Variants in DSCAML1 observed in about 807,000 individuals in gnomAD.
DSCAML1 encodes the protein cell adhesion molecule DSCAML1.
A neutral mutation model predicts 200.5 loss-of-function variants in DSCAML1; 38 were observed. The ratio of observed to expected loss-of-function variants is 0.19; its 90% CI spans 0.15 to 0.25. The LOEUF is 0.25. DSCAML1 is among the 10% of genes least tolerant of loss of function. DSCAML1 has a pLI of 1.00. For missense variants in DSCAML1, 2,223 were observed against 2,858.8 expected (o/e 0.78, Z 5.07); for synonymous variants, 1,215 against 1,165.0 (o/e 1.04, Z -0.87).
intron 3 of DSCAML1, among the ~76,000 whole-genome samples, chr11:117,734,500 C>T (rs1352529217): frequency 1.3e-5 from 2 of 152,230 alleles, no homozygotes; most frequent in Admixed American, 6.5e-5. Context: ...CCACCTCGGG[C>T]TCTCCCCCAG....
intron 1 of DSCAML1, among the ~76,000 whole-genome samples, chr11:117,782,305 C>T (rs150123725): frequency 2.8e-4 from 42 of 152,314 alleles, no homozygotes; most frequent in Non-Finnish European, 4.3e-4. Flanking sequence ...TCATAAAAGC[C>T]GTGATGGAGC....
intron 3 of DSCAML1, among the ~76,000 whole-genome samples, chr11:117,578,563 G>A (rs1291682083): frequency 1.3e-5 from 2 of 152,112 alleles, no homozygotes; most frequent in Non-Finnish European, 2.9e-5. Context: ...CTAGCTACTC[G>A]GGAGGCTGAG....
chr11:117,765,533 T>C (rs1003119122), intron 3 of DSCAML1, among the ~76,000 whole-genome samples: 5 of 152,108 alleles, frequency 3.3e-5, no homozygotes, highest in African/African-American at 1.2e-4. Flanking sequence ...CACACCTATG[T>C]TCTCATTCCT....
At position 117,518,656 on chromosome 11, in the gene DSCAML1, G is replaced by T; in HGVS notation, c.1320C>A (p.Thr440=). The T allele has an allele frequency of 2.5e-6, 4 of 1,613,448 alleles. No homozygotes were observed. The highest frequency in any genetic ancestry group is 3.4e-6 in the Non-Finnish European group (4 of 1,179,940). Residue 440 remains threonine, a synonymous_variant, in exon 7 of 33, where the codon ACC becomes ACA. Coordinates refer to ENST00000651296, the MANE Select transcript of DSCAML1 (RefSeq NM_020693.4). This position sits in a 1 kb window ranked among gnomAD's most constrained non-coding sequence, Gnocchi z 6.3. The stretch of plus-strand genomic sequence containing the variant: ...CGATGGGCTCATCGTCGAGGGCCCA[G>T]GTGACCGTGGGGGGCGGGGCGCCCT... ...AAKGAPPPTV[T]WALDDEPIVR... is the part of the protein sequence containing the mutation.
At chr11:117,788,136 G>T (rs1038027193) in intron 1 of DSCAML1, among the ~76,000 whole-genome samples, 1 of 152,182 alleles carries the variant, frequency 6.6e-6, no homozygotes, top group South Asian at 2.1e-4. Context: ...GACAGCATCA[G>T]AGCATGTACC....
At position 117,432,279 on chromosome 11, in the gene DSCAML1, C is replaced by A. The variant is rs1440962779; in HGVS notation, c.5179+73G>T. ...TCCCTCCTCCCTTTAAAAAAAAACA[C>A]CACCTCTGTGTCATGCTATGCCCAA... On this transcript the variant is annotated intron_variant, in intron 30 of 32. Coordinates refer to ENST00000651296, the MANE Select transcript of DSCAML1 (RefSeq NM_020693.4). The A allele has an allele frequency of 1.2e-5, 18 of 1,449,372 alleles. No individual in the cohort carries two copies. The Admixed American group carries it at 4.1e-4, about 33-fold the overall frequency. The allele number at this position is 1,449,372 out of a possible 1,614,324, so 89.8% of individuals were successfully genotyped here. A position where few individuals can be genotyped will look rare whatever the true frequency, so the allele number is the denominator to read the frequency against.
At chr11:117,458,080 G>GT (rs11428355) in intron 19 of DSCAML1, among the ~76,000 whole-genome samples, 66,491 of 152,034 alleles carry the variant, frequency 0.44, 14,704 homozygotes, top group Admixed American at 0.49. Context: ...CTCCCTGGCG[G>GT]CCCTGGGGTA....
chr11:117,719,605 G>A (rs936273197), intron 3 of DSCAML1, among the ~76,000 whole-genome samples: 4 of 152,202 alleles, frequency 2.6e-5, no homozygotes, highest in African/African-American at 9.6e-5. Flanking sequence ...TACTGTTACT[G>A]GGGATCAGGT....
chr11:117,494,282 T>C lies in DSCAML1; in HGVS notation c.2359+9563A>G, dbSNP rs141561428. 7.2e-5 allele frequency among the ~76,000 whole-genome samples: 11 copies of C among 152,312 alleles called. No individual in the cohort carries two copies. The East Asian group carries it at 1.9e-3, about 27-fold the overall frequency. On this transcript the variant is annotated intron_variant, in intron 11 of 32. Coordinates refer to ENST00000651296, the MANE Select transcript of DSCAML1 (RefSeq NM_020693.4). ...GGCCATAGGTCTCCGTTGCAAGGAC[T>C]CCACTCTGCTGTTGTACCTGGAAGC... is the stretch of plus-strand genomic sequence containing the variant.
chr11:117,448,925 T>G (rs1482265725), intron 20 of DSCAML1, among the ~76,000 whole-genome samples: 1 of 152,116 alleles, frequency 6.6e-6, no homozygotes, highest in Non-Finnish European at 1.5e-5. Flanking sequence ...GCAGCACCAT[T>G]TGAAGAGTTC....
intron 3 of DSCAML1, among the ~76,000 whole-genome samples, chr11:117,622,127 A>C (rs2051946820): frequency 6.6e-6 from 1 of 152,170 alleles, no homozygotes; most frequent in African/African-American, 2.4e-5. Context: ...GGACCCCTTT[A>C]AAAGGAGAAG....
chr11:117,581,558 C>A (rs943602818), intron 3 of DSCAML1, among the ~76,000 whole-genome samples: 6 of 152,152 alleles, frequency 3.9e-5, no homozygotes, highest in Admixed American at 6.5e-5. Flanking sequence ...CAGTGAGTAG[C>A]CATTCAAGTC....
At chr11:117,677,582 A>T (rs1187129419) in intron 3 of DSCAML1, among the ~76,000 whole-genome samples, 2 of 152,038 alleles carry the variant, frequency 1.3e-5, no homozygotes, top group Non-Finnish European at 2.9e-5. Flanking sequence ...GCTTGTGGGC[A>T]GAGGGAGCAG....
chr11:117,652,990 A>G (rs765607903), intron 3 of DSCAML1, among the ~76,000 whole-genome samples: 18 of 152,186 alleles, frequency 1.2e-4, no homozygotes, highest in Non-Finnish European at 2.5e-4. Context: ...CTTAGGGTCT[A>G]AGATCCAGTC....
chr11:117,514,069 G>T (rs1410169324), intron 8 of DSCAML1, among the ~76,000 whole-genome samples: 4 of 152,244 alleles, frequency 2.6e-5, no homozygotes, highest in African/African-American at 7.2e-5. Flanking sequence ...GCTGCCGATA[G>T]TGTGTGTGTT....
At chr11:117,617,737 C>T (rs2051840877) in intron 3 of DSCAML1, among the ~76,000 whole-genome samples, 1 of 151,272 alleles carries the variant, frequency 6.6e-6, no homozygotes, top group Non-Finnish European at 1.5e-5. Flanking sequence ...CACTGCAGAG[C>T]TCCCTGAAGC....
At chr11:117,589,941 A>AT (rs2051225389) in intron 3 of DSCAML1, among the ~76,000 whole-genome samples, 1 of 152,198 alleles carries the variant, frequency 6.6e-6, no homozygotes, top group Admixed American at 6.5e-5. Flanking sequence ...TGAAATTCAG[A>AT]TGACCTTGTT....
At position 117,780,228 on chromosome 11, in the gene DSCAML1, A is replaced by AAAGAAAGGAAGG. The variant is rs2055213049; in HGVS notation, c.364+264_364+265insCCTTCCTTTCTT. Among the ~76,000 whole-genome samples, 1 of 113,142 alleles carries AAAGAAAGGAAGG rather than the reference A, an allele frequency of 8.8e-6. No homozygotes were observed. The highest frequency in any genetic ancestry group is 1.8e-5 in the Non-Finnish European group (1 of 55,792). The allele number at this position is 113,142 out of a possible 152,430, so 74.2% of individuals were successfully genotyped here. A position where few individuals can be genotyped will look rare whatever the true frequency, so the allele number is the denominator to read the frequency against. ...AAGAAAGAGAGAGAGAGAAAGAAAG[A>AAAGAAAGGAAGG]AAGGAAAGAAAGAAAGAAAGAAAGA... On this transcript the variant is annotated intron_variant, in intron 2 of 32. Transcript: ENST00000651296. The surrounding 1 kb of genome is among the most constrained non-coding windows in gnomAD (Gnocchi z 4.8).
intron 21 of DSCAML1, among the ~76,000 whole-genome samples, 176 bp downstream of exon 21, chr11:117,443,710 A>G (rs2048116749): frequency 6.6e-6 from 1 of 152,202 alleles, no homozygotes; most frequent in South Asian, 2.1e-4. Flanking sequence ...TGCTGGAGTC[A>G]GGGGGCAGCA....
Sources: gnomAD v4.1 joint callset for allele counts (sites outside exome capture counted in the v4.1 genomes callset) on GRCh38, gnomAD v4.1.1 for gene constraint, Gnocchi (gnomAD v3.1) non-coding constraint, MANE v1.5 for transcripts, NCBI Gene and HGNC (gene_info 2026-07-23, HGNC 2026-07-21) for gene names.